The following PLBD1 variants were observed in gnomAD, a reference collection of about 807,000 sequenced individuals.
PLBD1 encodes the protein lysosomal leucine aminopeptidase.
Under a neutral mutation model 63.0 loss-of-function variants are expected in PLBD1, and 60 were observed. The ratio of observed to expected loss-of-function variants is 0.95; its 90% CI spans 0.77 to 1.18. The LOEUF (loss-of-function observed/expected upper bound fraction) is 1.18, where lower values mean the gene tolerates loss of function less well. Ranked by LOEUF, PLBD1 falls within the 50% of genes most tolerant of loss-of-function variation. The pLI, the probability that PLBD1 is intolerant of heterozygous loss-of-function variation, is 0.00. For missense variants in PLBD1, 598 were observed against 677.9 expected (o/e 0.88, Z 1.31); for synonymous variants, 262 against 248.0 (o/e 1.06, Z -0.53).
Position 14,542,238 on chromosome 12 carries a change from G to A in PLBD1, c.389C>T (p.Ser130Phe), listed in dbSNP as rs369832929. 3 of 1,610,338 alleles carry A rather than the reference G, an allele frequency of 1.9e-6. No individual in the cohort carries two copies. The highest frequency in any genetic ancestry group is 2.2e-5 in the East Asian group (1 of 44,846). ...NLYPQLITKP[S>F]IMDKVQDFME... ...AAAATCCTGCACTTTATCCATGATG[G>A]AAGGTTTCGTGATCAGCTGTGGGTA... Residue 130 changes from serine (S) to phenylalanine (F), a missense_variant, in exon 3 of 11, where the codon TCC becomes TTC. Coordinates refer to ENST00000240617, the MANE Select transcript of PLBD1 (RefSeq NM_024829.6).
At chr12:14,558,295 TAGGG>T in intron 1 of PLBD1, among the ~76,000 whole-genome samples, 1 of 152,142 alleles carries the variant, frequency 6.6e-6, no homozygotes, top group Non-Finnish European at 1.5e-5. Flanking sequence ...CATTAAGAAA[TAGGG>T]AGGTGTCAAA....
chr12:14,535,429 A>G (rs1199297231), intron 6 of PLBD1, among the ~76,000 whole-genome samples: 2 of 152,202 alleles, frequency 1.3e-5, no homozygotes, highest in Non-Finnish European at 2.9e-5. Context: ...AGCCATTTAC[A>G]TTTACAAAGT....
chr12:14,526,960 G>T (rs765206314), intron 6 of PLBD1, among the ~76,000 whole-genome samples: 1 of 152,012 alleles, frequency 6.6e-6, no homozygotes, highest in African/African-American at 2.4e-5. Flanking sequence ...CAACAAGAGC[G>T]AAACTCCATC....
chr12:14,525,209 C>T (rs1298812204), intron 6 of PLBD1, among the ~76,000 whole-genome samples: 1 of 152,114 alleles, frequency 6.6e-6, no homozygotes, highest in African/African-American at 2.4e-5. Context: ...TTGCAGTGAA[C>T]TGAGATCGCA....
intron 6 of PLBD1, among the ~76,000 whole-genome samples, chr12:14,518,056 C>G (rs1190245696): frequency 6.6e-6 from 1 of 152,130 alleles, no homozygotes; most frequent in Non-Finnish European, 1.5e-5. Context: ...TCACACACAC[C>G]TGTAATCCCA....
At chr12:14,512,831 G>A (rs1380025099) in intron 6 of PLBD1, among the ~76,000 whole-genome samples, 1 of 152,184 alleles carries the variant, frequency 6.6e-6, no homozygotes, top group African/African-American at 2.4e-5. Context: ...GAGGGAGCTA[G>A]CTAGCCCCTT....
chr12:14,556,133 G>A (rs575816352), intron 1 of PLBD1, among the ~76,000 whole-genome samples: 3 of 152,322 alleles, frequency 2.0e-5, no homozygotes, highest in Non-Finnish European at 2.9e-5. Flanking sequence ...ATACATTCAG[G>A]TCAGTCATCA....
chr12:14,513,929 G>A (rs1945319294), intron 6 of PLBD1, among the ~76,000 whole-genome samples: 1 of 151,952 alleles, frequency 6.6e-6, no homozygotes, highest in Admixed American at 6.6e-5. Flanking sequence ...ACAGGCGCCC[G>A]CCACCACGCC....
rs776370629 is a variant in PLBD1 at position 14,553,342 on chromosome 12, C to T, written c.186G>A (p.Lys62=). The change falls in exon 2 of 11, where the codon AAG becomes AAA. Residue 62 remains lysine (K), a synonymous_variant. Transcript: ENST00000240617. ...KTVQVKNVMD[K]NGDAYGFYNN... Reference sequence around the variant, plus strand: ...TGTAAAAGCCATAGGCGTCCCCATTCTTGTCCATTACATTTTTGACTTGTA... The same window carrying T: ...TGTAAAAGCCATAGGCGTCCCCATTTTTGTCCATTACATTTTTGACTTGTA... 134 of 1,614,106 alleles carry T rather than the reference C, an allele frequency of 8.3e-5. No individual in the cohort carries two copies. Among genetic ancestry groups the T allele is most frequent in the Non-Finnish European group, 1.1e-4 (131 of 1,180,054 alleles).
intron 5 of PLBD1, 43 bp from the exon 6 acceptor site, chr12:14,535,846 A>T: frequency 6.3e-7 from 1 of 1,584,814 alleles, no homozygotes; most frequent in South Asian, 1.1e-5. Flanking sequence ...GTACATAGCT[A>T]ACTGACTGCA....
At chr12:14,547,276 C>T (rs1447634273) in intron 2 of PLBD1, among the ~76,000 whole-genome samples, 1 of 150,934 alleles carries the variant, frequency 6.6e-6, no homozygotes, top group Admixed American at 6.6e-5. Context: ...AAACCTCCAC[C>T]TTGAGATGAG....
intron 1 of PLBD1, among the ~76,000 whole-genome samples, chr12:14,566,200 T>C (rs566716300): frequency 6.3e-4 from 96 of 152,296 alleles, no homozygotes; most frequent in African/African-American, 2.2e-3. Flanking sequence ...CTCCCTAGAC[T>C]AGAAGTAGAC....
chr12:14,564,984 T>C (rs912247524), intron 1 of PLBD1, among the ~76,000 whole-genome samples: 8 of 152,280 alleles, frequency 5.3e-5, no homozygotes, highest in Non-Finnish European at 8.8e-5. Flanking sequence ...ACATACCACT[T>C]AGAAAAAATT....
chr12:14,514,465 G>T (rs1424161336), intron 6 of PLBD1, among the ~76,000 whole-genome samples: 1 of 152,180 alleles, frequency 6.6e-6, no homozygotes, highest in Non-Finnish European at 1.5e-5. Context: ...ATGTGTAGGT[G>T]ATTGAATATT....
At chr12:14,527,940 C>CAA (rs1042986464) in intron 6 of PLBD1, among the ~76,000 whole-genome samples, 1 of 138,608 alleles carries the variant, frequency 7.2e-6, no homozygotes, top group African/African-American at 2.7e-5. Flanking sequence ...GTACTAGAGA[C>CAA]AAAAAAAAAA....
intron 9 of PLBD1, among the ~76,000 whole-genome samples, chr12:14,506,710 A>AT (rs62676961): frequency 1.5e-3 from 227 of 146,550 alleles, no homozygotes; most frequent in East Asian, 0.011. Context: ...TTTACAGATG[A>AT]TTTTTTTTTT....
intron 5 of PLBD1, among the ~76,000 whole-genome samples, chr12:14,536,358 C>A (rs532801380): frequency 6.6e-6 from 1 of 152,228 alleles, no homozygotes; most frequent in South Asian, 2.1e-4. Flanking sequence ...GTGCATACAG[C>A]ATGGGAGGAA....
At chr12:14,535,914 G>A (rs1592002469) in intron 5 of PLBD1, 111 bp from the exon 6 acceptor site, 3 of 1,117,112 alleles carry the variant, frequency 2.7e-6, no homozygotes, top group Non-Finnish European at 3.8e-6. Flanking sequence ...AGTGTTTATT[G>A]CTATACTGAT....
intron 6 of PLBD1, among the ~76,000 whole-genome samples, chr12:14,520,447 G>C (rs1393045170): frequency 6.6e-6 from 1 of 151,912 alleles, no homozygotes; most frequent in Non-Finnish European, 1.5e-5. Flanking sequence ...GTGCAAGCAA[G>C]GTAATTGCCT....
Sources: allele counts gnomAD v4.1 joint callset (sites outside exome capture counted in the v4.1 genomes callset), GRCh38; gene constraint gnomAD v4.1.1; transcripts MANE v1.5; gene names NCBI Gene and HGNC (gene_info 2026-07-23, HGNC 2026-07-21).